Variants in PRIM2 observed in about 807,000 individuals in gnomAD.
PRIM2 encodes the protein DNA primase large subunit.
Under a neutral mutation model 67.3 loss-of-function variants are expected in PRIM2, and 39 were observed. That is an observed-to-expected ratio of 0.58 (90% CI 0.45 to 0.76). The LOEUF is 0.76. PRIM2 is among the 30% of genes least tolerant of loss of function. PRIM2 has a pLI of 0.00. For missense variants in PRIM2, 398 were observed against 598.7 expected (o/e 0.66, Z 3.50); for synonymous variants, 143 against 198.7 (o/e 0.72, Z 2.36).
chr6:57,362,940 G>A (rs1769246327), intron 5 of PRIM2, among the ~76,000 whole-genome samples: 1 of 152,184 alleles, frequency 6.6e-6, no homozygotes. Context: ...TTAGCTCATA[G>A]GGAAACCGGG....
At chr6:57,366,809 G>C (rs79651142) in intron 5 of PRIM2, among the ~76,000 whole-genome samples, 809 of 137,938 alleles carry the variant, frequency 5.9e-3, no homozygotes, top group East Asian at 0.023. Context: ...GCAATAATCT[G>C]TAAGTGGGGA....
intron 7 of PRIM2, among the ~76,000 whole-genome samples, chr6:57,470,141 A>G (rs1773299878): frequency 6.6e-6 from 1 of 152,156 alleles, no homozygotes; most frequent in Admixed American, 6.5e-5. Context: ...TAATGTAAGT[A>G]GATTAGTATT....
At chr6:57,491,953 C>T (rs1773901770) in intron 7 of PRIM2, among the ~76,000 whole-genome samples, 3 of 152,124 alleles carry the variant, frequency 2.0e-5, no homozygotes, top group Non-Finnish European at 2.9e-5. Context: ...TAGTTTGAGC[C>T]GCTCCATATG....
the PRIM2 span, among the ~76,000 whole-genome samples, chr6:57,228,574 C>T: frequency 6.6e-6 from 1 of 152,200 alleles, no homozygotes; most frequent in African/African-American, 2.4e-5. Context: ...AAAGATGAGA[C>T]ATGTGCGATA....
intron 12 of PRIM2, among the ~76,000 whole-genome samples, chr6:57,610,080 A>T (rs1480250908): frequency 2.0e-5 from 3 of 152,136 alleles, no homozygotes; most frequent in African/African-American, 7.2e-5. Flanking sequence ...TTTTTTTAAA[A>T]TTTTTGGAGA....
At chr6:57,509,947 A>G (rs1350815241) in intron 8 of PRIM2, among the ~76,000 whole-genome samples, 1 of 151,498 alleles carries the variant, frequency 6.6e-6, no homozygotes, top group Non-Finnish European at 1.5e-5. Flanking sequence ...TATTCTCCTC[A>G]TGCTCCACTT....
chr6:57,617,059 C>A, intron 12 of PRIM2, among the ~76,000 whole-genome samples: 1 of 152,322 alleles, frequency 6.6e-6, no homozygotes, highest in Middle Eastern at 3.4e-3. Flanking sequence ...AAAAATTTAT[C>A]TCACAGTTTT....
In PRIM2 at chr6:57,646,200, T is replaced by A. The variant is rs1777332252; in HGVS notation, c.*42T>A. ...TTTTCCTCAATAGCCTGTTTCCTGTTTTTAAGATTTTGCCTTTGTTGTTGA... is the reference window on the plus strand; with the variant it reads ...TTTTCCTCAATAGCCTGTTTCCTGTATTTAAGATTTTGCCTTTGTTGTTGA... On this transcript the variant is annotated 3_prime_UTR_variant, in exon 14 of 14. Transcript: ENST00000615550. 1 of 1,288,688 alleles carries A rather than the reference T, an allele frequency of 7.8e-7. No homozygotes were observed. Among genetic ancestry groups the A allele is most frequent in the Admixed American group, 1.9e-5 (1 of 51,834 alleles). 79.8% of individuals were successfully genotyped at this position (1,288,688 alleles called of 1,614,324 possible). A position where few individuals can be genotyped will look rare whatever the true frequency, so the allele number is the denominator to read the frequency against.
At chr6:57,539,656 G>GTGTGTA (rs1417588686) in intron 10 of PRIM2, among the ~76,000 whole-genome samples, 1 of 71,136 alleles carries the variant, frequency 1.4e-5, no homozygotes, top group South Asian at 4.6e-4. Context: ...GTGTGTGTGT[G>GTGTGTA]TATATATATA....
chr6:57,591,652 T>C (rs1310661178), intron 10 of PRIM2, among the ~76,000 whole-genome samples: 1 of 152,142 alleles, frequency 6.6e-6, no homozygotes, highest in Admixed American at 6.6e-5. Flanking sequence ...CTGGCTGTTA[T>C]TAAAAAGCAA....
At chr6:57,389,541 T>A (rs1770262902) in intron 7 of PRIM2, among the ~76,000 whole-genome samples, 1 of 152,180 alleles carries the variant, frequency 6.6e-6, no homozygotes, top group Non-Finnish European at 1.5e-5. Flanking sequence ...ACTGAGAAGT[T>A]CCCAGGAAGA....
At chr6:57,440,905 G>T (rs1772182859) in intron 7 of PRIM2, among the ~76,000 whole-genome samples, 1 of 152,132 alleles carries the variant, frequency 6.6e-6, no homozygotes, top group Non-Finnish European at 1.5e-5. Flanking sequence ...ATGCCCTGGT[G>T]CAAAATAAGT....
intron 5 of PRIM2, among the ~76,000 whole-genome samples, chr6:57,363,878 T>A (rs1769272353): frequency 1.3e-5 from 2 of 152,202 alleles, no homozygotes; most frequent in African/African-American, 4.8e-5. Context: ...CTGTCTGGTG[T>A]GTTAGTCAAC....
chr6:57,365,503 C>T (rs959244774), intron 5 of PRIM2, among the ~76,000 whole-genome samples: 3 of 152,106 alleles, frequency 2.0e-5, no homozygotes, highest in Non-Finnish European at 4.4e-5. Context: ...TATTTTATTA[C>T]ATCCTATCAT....
At chr6:57,625,420 C>T (rs1239176757) in intron 12 of PRIM2, among the ~76,000 whole-genome samples, 82 of 152,266 alleles carry the variant, frequency 5.4e-4, no homozygotes, top group Non-Finnish European at 1.0e-3. Flanking sequence ...AACCCCCGAT[C>T]ATCACTAGGA....
chr6:57,575,345 A>G (rs1775943967), intron 10 of PRIM2, among the ~76,000 whole-genome samples: 1 of 152,226 alleles, frequency 6.6e-6, no homozygotes, highest in Non-Finnish European at 1.5e-5. Flanking sequence ...AGACATGAAA[A>G]GGGAGGCTGG....
chr6:57,536,715 A>C (rs1348282796), intron 9 of PRIM2, among the ~76,000 whole-genome samples: 1 of 152,252 alleles, frequency 6.6e-6, no homozygotes, highest in Non-Finnish European at 1.5e-5. Context: ...GCTGAGTAAA[A>C]AATGACAATC....
chr6:57,572,957 G>T (rs1425705243), intron 10 of PRIM2, among the ~76,000 whole-genome samples: 2 of 152,156 alleles, frequency 1.3e-5, no homozygotes, highest in Non-Finnish European at 2.9e-5. Context: ...ATTTACTTTT[G>T]TTAGAGATAG....
At chr6:57,620,204 G>A (rs1481871956) in intron 12 of PRIM2, among the ~76,000 whole-genome samples, 1 of 151,980 alleles carries the variant, frequency 6.6e-6, no homozygotes, top group Admixed American at 6.6e-5. Flanking sequence ...TCAAAAAAAA[G>A]ACAAAGAACA....
Sources: allele counts gnomAD v4.1 joint callset (sites outside exome capture counted in the v4.1 genomes callset), GRCh38; gene constraint gnomAD v4.1.1; transcripts MANE v1.5; gene names NCBI Gene and HGNC (gene_info 2026-07-23, HGNC 2026-07-21).